DCLRE1C: variants seen among roughly 807,000 people sequenced by gnomAD.
DCLRE1C encodes protein artemis.
In DCLRE1C, 47 loss-of-function variants were observed where a neutral mutation model predicts 61.4. The ratio of observed to expected loss-of-function variants is 0.77; its 90% CI spans 0.61 to 0.98. DCLRE1C has a LOEUF of 0.98. DCLRE1C is among the 50% of genes least tolerant of loss of function. The pLI is 0.00. For synonymous variants in DCLRE1C, 337 were observed against 287.6 expected (o/e 1.17, Z -1.74); for missense variants, 858 against 816.0 (o/e 1.05, Z -0.63).
chr10:14,935,992 T>C (rs376460582), intron 5 of DCLRE1C, among the ~76,000 whole-genome samples: 1 of 152,132 alleles, frequency 6.6e-6, no homozygotes, highest in South Asian at 2.1e-4. Context: ...CACTGCAACT[T>C]CCACCTTCTG....
At position 14,935,483 on chromosome 10, in the gene DCLRE1C, C is replaced by G; in HGVS notation, c.444G>C (p.Glu148Asp). The G allele has an allele frequency of 1.9e-6, 3 of 1,614,016 alleles. No individual in the cohort carries two copies. In the South Asian group the frequency reaches 3.3e-5, roughly 18 times the overall value. ...RLAQGEAARM[E>D]LLHSGGRVKD... ...AGTACCTGCCCCCGGAGTGCAGAAGCTCCATTCTAGCAGCTTCTCCTTGCG... is the reference window on the plus strand; with the variant it reads ...AGTACCTGCCCCCGGAGTGCAGAAGGTCCATTCTAGCAGCTTCTCCTTGCG... Residue 148 changes from glutamate (E) to aspartate (D), a missense_variant, in exon 6 of 14, where the codon GAG becomes GAC. By Grantham distance (45) the Glu-to-Asp change is conservative (BLOSUM62 2). Coordinates refer to ENST00000378278, the MANE Select transcript of DCLRE1C (RefSeq NM_001033855.3).
intron 4 of DCLRE1C, among the ~76,000 whole-genome samples, chr10:14,938,892 C>T (rs41297006): frequency 0.087 from 13,225 of 152,184 alleles, 724 homozygotes; most frequent in Middle Eastern, 0.15. Flanking sequence ...AAAAAATAAG[C>T]CATGCCCAAT....
intron 11 of DCLRE1C, among the ~76,000 whole-genome samples, chr10:14,925,161 C>T (rs973670255): frequency 2.0e-5 from 3 of 149,682 alleles, no homozygotes; most frequent in African/African-American, 5.0e-5. Flanking sequence ...CGCCCAACAC[C>T]GATTTGATTT....
chr10:14,937,427 C>G (rs1022261236), intron 4 of DCLRE1C, among the ~76,000 whole-genome samples: 3 of 151,812 alleles, frequency 2.0e-5, no homozygotes, highest in East Asian at 3.9e-4. Context: ...GGATTATAGG[C>G]GCCTGCCATC....
At chr10:14,913,097 C>T (rs1933268071) in intron 13 of DCLRE1C, among the ~76,000 whole-genome samples, 1 of 152,226 alleles carries the variant, frequency 6.6e-6, no homozygotes, top group South Asian at 2.1e-4. Context: ...ACCTCATGAT[C>T]CACCTGCCTT....
chr10:14,913,269 TAA>T (rs1480357353), intron 13 of DCLRE1C, among the ~76,000 whole-genome samples: 2 of 152,140 alleles, frequency 1.3e-5, no homozygotes, highest in Admixed American at 6.5e-5. Context: ...GAAATAGACA[TAA>T]AGTTTCTTTT....
intron 11 of DCLRE1C, among the ~76,000 whole-genome samples, chr10:14,925,225 TAAAAAAAAAAA>T (rs67477083): frequency 0.19 from 21,147 of 109,450 alleles, 1,758 homozygotes; most frequent in Middle Eastern, 0.29. Flanking sequence ...ATAAAGGATT[TAAAAAAAAAAA>T]AAAAAAAAAA....
exon 14 of DCLRE1C, chr10:14,898,859 C>T (rs1833789222): frequency 4.9e-6 from 1 of 202,116 alleles, no homozygotes; most frequent in African/African-American, 2.3e-5. Context: ...TTTGTAACTG[C>T]ATATATATAA....
chr10:14,910,709 T>G (rs1451453093), intron 13 of DCLRE1C, among the ~76,000 whole-genome samples: 1 of 152,136 alleles, frequency 6.6e-6, no homozygotes, highest in Non-Finnish European at 1.5e-5. Context: ...GAGTGTGGAT[T>G]GGGTAGATGC....
intron 3 of DCLRE1C, among the ~76,000 whole-genome samples, chr10:14,943,668 T>C (rs1397149088): frequency 6.6e-5 from 10 of 152,322 alleles, no homozygotes; most frequent in African/African-American, 2.4e-4. Flanking sequence ...TTCTCCTGCC[T>C]CAGCATCCCA....
intron 13 of DCLRE1C, chr10:14,911,396 A>G (rs773835203): frequency 2.0e-5 from 3 of 152,242 alleles, no homozygotes; most frequent in Non-Finnish European, 4.4e-5. Flanking sequence ...ATGCCAGAAC[A>G]AAGCTCAAGA....
intron 2 of DCLRE1C, among the ~76,000 whole-genome samples, chr10:14,948,152 T>A (rs904152142): frequency 6.6e-6 from 1 of 150,822 alleles, no homozygotes; most frequent in Non-Finnish European, 1.5e-5. Context: ...AGATGGGAGA[T>A]CACTTGAAGC....
chr10:14,917,376 G>T (rs1836367363), intron 13 of DCLRE1C, among the ~76,000 whole-genome samples: 1 of 151,674 alleles, frequency 6.6e-6, no homozygotes, highest in Non-Finnish European at 1.5e-5. Flanking sequence ...AGTAAAAATT[G>T]ATAAGTTCAC....
intron 7 of DCLRE1C, 40 bp from the exon 8 acceptor site, chr10:14,934,560 C>T: frequency 6.2e-7 from 1 of 1,614,014 alleles, no homozygotes; most frequent in African/African-American, 1.3e-5. Context: ...AGGTGGAGAG[C>T]CGCACATAGC....
rs41298898 is a variant in DCLRE1C at position 14,926,810 on chromosome 10, G to A, written c.972+33C>T. Reference sequence around the variant, plus strand: ...CTACCAAGGCTGCAGAACACTGAGCGATAAGGGTTATGAGTATATGGGATC... The same window carrying A: ...CTACCAAGGCTGCAGAACACTGAGCAATAAGGGTTATGAGTATATGGGATC... On this transcript the variant is annotated intron_variant, in intron 11 of 13. Transcript: ENST00000378278. The A allele has an allele frequency of 1.4e-4, 213 of 1,573,622 alleles. 1 individual carries two copies. The African/African-American group carries it at 2.3e-3, about 17-fold the overall frequency.
At chr10:14,936,036 G>C (rs1839851230) in intron 5 of DCLRE1C, among the ~76,000 whole-genome samples, 1 of 152,128 alleles carries the variant, frequency 6.6e-6, no homozygotes, top group Non-Finnish European at 1.5e-5. Flanking sequence ...TGGGACTACA[G>C]GGGTGTGCCA....
At chr10:14,917,748 T>A (rs1836442150) in intron 13 of DCLRE1C, among the ~76,000 whole-genome samples, 1 of 152,038 alleles carries the variant, frequency 6.6e-6, no homozygotes, top group Non-Finnish European at 1.5e-5. Context: ...GCTTGGGAGG[T>A]TGAGGTTGCA....
chr10:14,922,126 A>G (rs1211888694), intron 12 of DCLRE1C, among the ~76,000 whole-genome samples: 1 of 151,968 alleles, frequency 6.6e-6, no homozygotes, highest in Non-Finnish European at 1.5e-5. Flanking sequence ...CTCCATTCCC[A>G]CCATATGGCT....
At chr10:14,951,388 T>TAAAAAAAAA (rs1842431172) in intron 1 of DCLRE1C, among the ~76,000 whole-genome samples, 1 of 34,538 alleles carries the variant, frequency 2.9e-5, no homozygotes, top group Non-Finnish European at 4.6e-5. Context: ...AAACCCTGTC[T>TAAAAAAAAA]CAAAAAAAAA....
Sources: gnomAD v4.1 joint callset for allele counts (sites outside exome capture counted in the v4.1 genomes callset) on GRCh38, gnomAD v4.1.1 for gene constraint, MANE v1.5 for transcripts, NCBI Gene and HGNC (gene_info 2026-07-23, HGNC 2026-07-21) for gene names.